Variants in CSMD3 observed in about 807,000 individuals in gnomAD.
The protein encoded by CSMD3 is CUB and Sushi multiple domains 3, also known as CUB and sushi domain-containing protein 3.
A neutral mutation model predicts 435.2 loss-of-function variants in CSMD3; 177 were observed. The observed-to-expected ratio is 0.41, with a 90% CI of 0.36 to 0.46. The LOEUF is 0.46. CSMD3 is among the 20% of genes least tolerant of loss of function. The pLI is 0.34. For synonymous variants in CSMD3, 1,656 were observed against 1,520.5 expected (o/e 1.09, Z -2.07); for missense variants, 4,265 against 4,504.6 (o/e 0.95, Z 1.52).
chr8:112,655,105 T>C (rs974296432), intron 18 of CSMD3, among the ~76,000 whole-genome samples: 1 of 152,066 alleles, frequency 6.6e-6, no homozygotes, highest in African/African-American at 2.4e-5. Context: ...GTAGATAAGA[T>C]GATTTAAAAA....
chr8:112,742,048 A>G (rs967030972), intron 13 of CSMD3, among the ~76,000 whole-genome samples: 1 of 151,908 alleles, frequency 6.6e-6, no homozygotes, highest in African/African-American at 2.4e-5. Context: ...CAGCTTATGT[A>G]CATTTCTGCC....
chr8:112,255,760 G>T, intron 61 of CSMD3: 1 of 308,146 alleles, frequency 3.2e-6, no homozygotes, highest in Non-Finnish European at 6.1e-6. Context: ...GTGGAGTATA[G>T]CCTTGAAAAA....
intron 3 of CSMD3, among the ~76,000 whole-genome samples, chr8:113,205,221 G>A (rs1447779836): frequency 6.6e-6 from 1 of 152,126 alleles, no homozygotes; most frequent in Non-Finnish European, 1.5e-5. Context: ...GACCTCAGGT[G>A]ATCCACGTGC....
intron 1 of CSMD3, among the ~76,000 whole-genome samples, chr8:113,358,598 G>A (rs1322896431): frequency 2.0e-5 from 3 of 152,122 alleles, no homozygotes; most frequent in Admixed American, 6.6e-5. Flanking sequence ...CTTTTTTAAA[G>A]GAAACTTACA....
chr8:113,307,732 C>T (rs66725808), intron 2 of CSMD3, among the ~76,000 whole-genome samples: 15,836 of 152,138 alleles, frequency 0.1, 959 homozygotes, highest in Middle Eastern at 0.17. Flanking sequence ...TGAACAAACT[C>T]TTCATAAATA....
At position 112,506,685 on chromosome 8, in the gene CSMD3, A is replaced by T. The variant is rs1715933465; in HGVS notation, c.4895+6T>A. ...TTAACGTGGAAATAAATATATAAGAACTCACCTGATGAACGCCAAGGAGAT... is the reference window on the plus strand; with the variant it reads ...TTAACGTGGAAATAAATATATAAGATCTCACCTGATGAACGCCAAGGAGAT... On this transcript the variant is annotated splice_donor_region_variant and intron_variant, in intron 29 of 70. Coordinates refer to ENST00000297405, the MANE Select transcript of CSMD3 (RefSeq NM_198123.2). 6.2e-7 allele frequency: 1 copy of T among 1,613,148 alleles called. No individual in the cohort carries two copies. The highest frequency in any genetic ancestry group is 1.1e-5 in the South Asian group (1 of 91,076).
intron 38 of CSMD3, among the ~76,000 whole-genome samples, chr8:112,359,596 A>G (rs1826980166): frequency 6.6e-6 from 1 of 152,166 alleles, no homozygotes; most frequent in Non-Finnish European, 1.5e-5. Context: ...CAATGGTTAG[A>G]GTAGCTTAAA....
intron 20 of CSMD3, among the ~76,000 whole-genome samples, chr8:112,642,189 C>CA (rs1563802311): frequency 6.6e-6 from 1 of 151,318 alleles, no homozygotes; most frequent in Admixed American, 6.6e-5. Flanking sequence ...TGCCATTTGA[C>CA]TTTTTTTTTC....
At chr8:112,984,984 T>C (rs2085198353) in intron 6 of CSMD3, among the ~76,000 whole-genome samples, 1 of 128,838 alleles carries the variant, frequency 7.8e-6, no homozygotes, top group Non-Finnish European at 1.7e-5. Context: ...TTTAGATACA[T>C]GATAGATTAT....
At chr8:112,365,774 T>C (rs1827730399) in intron 38 of CSMD3, among the ~76,000 whole-genome samples, 1 of 152,248 alleles carries the variant, frequency 6.6e-6, no homozygotes, top group South Asian at 2.1e-4. Flanking sequence ...GAGAAGAAGA[T>C]GAAGCCTGCA....
chr8:113,304,749 C>T (rs2093803777), intron 2 of CSMD3, among the ~76,000 whole-genome samples: 1 of 113,564 alleles, frequency 8.8e-6, no homozygotes, highest in Admixed American at 1.0e-4. Flanking sequence ...GAATATCACA[C>T]TCTGGGGACT....
intron 55 of CSMD3, 68 bp from the exon 56 acceptor site, chr8:112,291,763 T>A: frequency 9.9e-7 from 1 of 1,010,254 alleles, no homozygotes; most frequent in Non-Finnish European, 1.5e-6. Context: ...AGATTTATAT[T>A]AGAAATGTAC....
At position 112,305,956 on chromosome 8, in the gene CSMD3, T is replaced by G. The variant is rs1821380127; in HGVS notation, c.8071+51A>C. On this transcript the variant is annotated intron_variant, in intron 51 of 70. Coordinates refer to ENST00000297405, the MANE Select transcript of CSMD3 (RefSeq NM_198123.2). ...TCTAAAATACATAAAATTTCAGGTA[T>G]ATAAAATACCAAGAGAAAAACAAGT... The G allele has an allele frequency of 2.8e-6, 4 of 1,447,596 alleles. No individual in the cohort carries two copies. The East Asian group carries it at 6.8e-5, about 25-fold the overall frequency. The allele number at this position is 1,447,596 out of a possible 1,614,324, so 89.7% of individuals were successfully genotyped here.
At chr8:112,474,988 A>G (rs1475542121) in intron 31 of CSMD3, among the ~76,000 whole-genome samples, 2 of 152,168 alleles carry the variant, frequency 1.3e-5, no homozygotes. Flanking sequence ...GTCAGGTGTT[A>G]TTCTTATTTC....
At chr8:112,397,508 G>A (rs1485991040) in intron 35 of CSMD3, among the ~76,000 whole-genome samples, 1 of 152,064 alleles carries the variant, frequency 6.6e-6, no homozygotes, top group African/African-American at 2.4e-5. Context: ...CCATAGAATG[G>A]GTGGCTTATA....
At chr8:113,221,313 C>T (rs1241203124) in intron 3 of CSMD3, among the ~76,000 whole-genome samples, 3 of 150,414 alleles carry the variant, frequency 2.0e-5, no homozygotes, top group East Asian at 2.0e-4. Flanking sequence ...GTTTGTAATT[C>T]ATTCTCAAAT....
At chr8:112,779,149 T>G (rs2132234030) in intron 13 of CSMD3, among the ~76,000 whole-genome samples, 1 of 150,044 alleles carries the variant, frequency 6.7e-6, no homozygotes, top group East Asian at 2.0e-4. Context: ...CTTGACACTG[T>G]ATTTTGCAAA....
At chr8:112,719,711 T>C (rs2076815552) in intron 13 of CSMD3, among the ~76,000 whole-genome samples, 1 of 152,086 alleles carries the variant, frequency 6.6e-6, no homozygotes, top group South Asian at 2.1e-4. Context: ...TAGCAGTAGG[T>C]GGAAGACTGA....
intron 2 of CSMD3, among the ~76,000 whole-genome samples, chr8:113,282,720 T>G (rs1420616930): frequency 3.3e-5 from 5 of 151,918 alleles, no homozygotes; most frequent in Admixed American, 3.3e-4. Context: ...CTTCACAGAA[T>G]TAGAAAAAAA....
Sources: gnomAD v4.1 joint callset for allele counts (sites outside exome capture counted in the v4.1 genomes callset) on GRCh38, gnomAD v4.1.1 for gene constraint, MANE v1.5 for transcripts, NCBI Gene and HGNC (gene_info 2026-07-23, HGNC 2026-07-21) for gene names.